CCDC50: variants seen among roughly 807,000 people sequenced by gnomAD.
CCDC50 encodes coiled-coil domain containing 50.
CCDC50 carries 54 observed loss-of-function variants against 70.2 expected under a neutral mutation model. The ratio of observed to expected loss-of-function variants is 0.77; its 90% CI spans 0.62 to 0.96. The LOEUF (loss-of-function observed/expected upper bound fraction) is 0.96, where lower values mean the gene tolerates loss of function less well. Among genes scored for constraint, CCDC50 ranks in the 50% least tolerant of loss-of-function variants. The pLI is 0.00. For synonymous variants in CCDC50, 216 were observed against 198.8 expected (o/e 1.09, Z -0.73); for missense variants, 558 against 578.7 (o/e 0.96, Z 0.37).
chr3:191,370,204 A>ATGTTT (rs759590923), intron 5 of CCDC50, 168 bp downstream of exon 5: 2 of 617,126 alleles, frequency 3.2e-6, no homozygotes, highest in African/African-American at 1.9e-5. Context: ...TAATAAATTC[A>ATGTTT]TGTTTTGTTT....
intron 1 of CCDC50, among the ~76,000 whole-genome samples, chr3:191,352,911 G>T (rs1320585733): frequency 1.4e-5 from 2 of 141,614 alleles, no homozygotes; most frequent in Non-Finnish European, 3.2e-5. Context: ...TTCTGTTTAT[G>T]ACATTATTTT....
intron 10 of CCDC50, 112 bp downstream of exon 10, chr3:191,382,937 C>G (rs1461083840): frequency 1.3e-6 from 1 of 770,642 alleles, no homozygotes; most frequent in African/African-American, 1.7e-5. Flanking sequence ...CAAAAATCTG[C>G]ATTTGTAAGG....
chr3:191,357,320 C>T (rs941056034), intron 2 of CCDC50, among the ~76,000 whole-genome samples, 170 bp downstream of exon 2: 33 of 152,170 alleles, frequency 2.2e-4, no homozygotes, highest in African/African-American at 7.0e-4. Context: ...AGTGAAGTTT[C>T]GGGCATGTTA....
At chr3:191,347,424 C>T (rs1437707228) in intron 1 of CCDC50, among the ~76,000 whole-genome samples, 1 of 126,508 alleles carries the variant, frequency 7.9e-6, no homozygotes, top group Non-Finnish European at 1.8e-5. Flanking sequence ...GCACATACTG[C>T]TTTATCTGCT....
Position 191,348,152 on chromosome 3 carries a change from A to G in CCDC50, c.50-8936A>G, listed in dbSNP as rs897506982. ...TGCTGTATGTTTGTGAGTCAGCTAC[A>G]TAGGTGACATTTGAATGGGGGTCTT... On this transcript the variant is annotated intron_variant, in intron 1 of 11. Coordinates refer to ENST00000392455, the MANE Select transcript of CCDC50 (RefSeq NM_178335.3). Among the ~76,000 whole-genome samples the G allele has an allele frequency of 1.4e-5, 2 of 142,316 alleles. 1 individual carries two copies. The highest frequency in any genetic ancestry group is 3.2e-5 in the Non-Finnish European group (2 of 63,132). 93.4% of individuals were successfully genotyped at this position (142,316 alleles called of 152,430 possible).
At chr3:191,384,862 TTA>T (rs1202829901) in intron 10 of CCDC50, among the ~76,000 whole-genome samples, 6 of 152,270 alleles carry the variant, frequency 3.9e-5, no homozygotes, top group African/African-American at 9.6e-5. Context: ...ATTCACATCT[TTA>T]AGTCCATGTG....
rs1318537326 is a variant in CCDC50 at position 191,353,202 on chromosome 3, ATGTC to A, written c.50-3883_50-3880del. 4.9e-5 allele frequency among the ~76,000 whole-genome samples: 7 copies of A among 142,292 alleles called. 1 individual carries two copies. The highest frequency in any genetic ancestry group is 3.2e-5 in the Non-Finnish European group (2 of 63,130). The allele number at this position is 142,292 out of a possible 152,430, so 93.3% of individuals were successfully genotyped here. A position where few individuals can be genotyped will look rare whatever the true frequency, so the allele number is the denominator to read the frequency against. On this transcript the variant is annotated intron_variant, in intron 1 of 11. Coordinates refer to ENST00000392455, the MANE Select transcript of CCDC50 (RefSeq NM_178335.3). ...AGCCACCATCCCTAACACTGGGAAA[ATGTC>A]TGGGCAGAGGGGAGAGCCTACGGGA...
chr3:191,390,411 C>CTTGGATCTTGTGTAA (rs56758535), intron 11 of CCDC50, among the ~76,000 whole-genome samples: 5 of 136,740 alleles, frequency 3.7e-5, no homozygotes, highest in East Asian at 4.1e-4. Flanking sequence ...GAAGAAGGTT[C>CTTGGATCTTGTGTAA]GAATAAAGAA....
At position 191,396,270 on chromosome 3, in the gene CCDC50, A is replaced by T. The variant is rs16822395; in HGVS notation, c.*4510A>T. 1 of 152,192 alleles carries T rather than the reference A, an allele frequency of 6.6e-6. No individual in the cohort carries two copies. The highest frequency in any genetic ancestry group is 1.5e-5 in the Non-Finnish European group (1 of 68,024). 9.4% of individuals were successfully genotyped at this position (152,192 alleles called of 1,614,324 possible). A position where few individuals can be genotyped will look rare whatever the true frequency, so the allele number is the denominator to read the frequency against. On this transcript the variant is annotated 3_prime_UTR_variant, in exon 12 of 12. Coordinates refer to ENST00000392455, the MANE Select transcript of CCDC50 (RefSeq NM_178335.3). ...GATGTCAGTGTACGTTACTTCCTTT[A>T]TGTGACTGACAGTCAGCTTTCCATT...
chr3:191,389,500 C>A lies in CCDC50; in HGVS notation c.1327C>A (p.Pro443Thr), dbSNP rs907338035. ...TAAATTCTGGATTCCTTTTAGGCCA[C>A]CACCACCTATCATGACAGATGGTGA... is the stretch of plus-strand genomic sequence containing the variant. ...HSKNERPARP[P>T]PPIMTDGEDA... Residue 443 changes from proline (P) to threonine (T), a missense_variant, in exon 11 of 12, where the codon CCA becomes ACA. Transcript: ENST00000392455. The A allele has an allele frequency of 6.2e-7, 1 of 1,613,336 alleles. No homozygotes were observed. The highest frequency in any genetic ancestry group is 8.5e-7 in the Non-Finnish European group (1 of 1,179,300).
At chr3:191,369,852 GC>G in intron 4 of CCDC50, 66 bp from the exon 5 acceptor site, 2 of 1,135,408 alleles carry the variant, frequency 1.8e-6, no homozygotes, top group Non-Finnish European at 2.7e-6. Flanking sequence ...GGAATGTCAA[GC>G]CCCACCATAT....
intron 1 of CCDC50, among the ~76,000 whole-genome samples, chr3:191,343,546 G>A (rs1711807096): frequency 6.6e-6 from 1 of 152,170 alleles, no homozygotes; most frequent in Admixed American, 6.5e-5. Flanking sequence ...CAGCAGAAGT[G>A]CTTCCTTTTT....
chr3:191,338,227 T>C (rs1467911084), intron 1 of CCDC50, among the ~76,000 whole-genome samples: 1 of 152,240 alleles, frequency 6.6e-6, no homozygotes, highest in East Asian at 1.9e-4. Flanking sequence ...CTTTAAGTAT[T>C]ATATTCACTA....
chr3:191,389,381 G>A, intron 10 of CCDC50, 115 bp from the exon 11 acceptor site: 1 of 846,262 alleles, frequency 1.2e-6, no homozygotes, highest in Non-Finnish European at 2.1e-6. Flanking sequence ...GAATTCTGAA[G>A]CATTTTGGCT....
intron 4 of CCDC50, among the ~76,000 whole-genome samples, chr3:191,361,801 A>T (rs1712497402): frequency 6.6e-6 from 1 of 152,190 alleles, no homozygotes; most frequent in African/African-American, 2.4e-5. Context: ...CACACTATTC[A>T]GCTTACTACA....
chr3:191,370,279 A>T (rs1298255867), intron 5 of CCDC50: 1 of 382,774 alleles, frequency 2.6e-6, no homozygotes, highest in African/African-American at 2.1e-5. Context: ...TTTGTTACAT[A>T]TAGATACATG....
chr3:191,330,883 G>A (rs1203563311), intron 1 of CCDC50, among the ~76,000 whole-genome samples: 3 of 152,120 alleles, frequency 2.0e-5, no homozygotes, highest in Non-Finnish European at 4.4e-5. Context: ...AATTTCTGAT[G>A]GGCCTAGTTC....
chr3:191,360,723 G>T (rs1712456321), intron 3 of CCDC50, among the ~76,000 whole-genome samples: 1 of 152,168 alleles, frequency 6.6e-6, no homozygotes, highest in South Asian at 2.1e-4. Flanking sequence ...ATGATTTGTG[G>T]TTATTAGTGG....
At chr3:191,346,577 G>A (rs1711932923) in intron 1 of CCDC50, among the ~76,000 whole-genome samples, 1 of 152,070 alleles carries the variant, frequency 6.6e-6, no homozygotes, top group Non-Finnish European at 1.5e-5. Flanking sequence ...TTATCCATAG[G>A]GTGTATAAAA....
Sources: gnomAD v4.1 joint callset for allele counts (sites outside exome capture counted in the v4.1 genomes callset) on GRCh38, gnomAD v4.1.1 for gene constraint, MANE v1.5 for transcripts, NCBI Gene and HGNC (gene_info 2026-07-23, HGNC 2026-07-21) for gene names.